The following RCL1 variants were observed in gnomAD, a reference collection of about 807,000 sequenced individuals.
RCL1 encodes RNA terminal phosphate cyclase like 1.
RCL1 carries 24 observed loss-of-function variants against 42.4 expected under a neutral mutation model. That is an observed-to-expected ratio of 0.57 (90% confidence interval 0.41 to 0.80). The LOEUF (loss-of-function observed/expected upper bound fraction) is 0.80, where lower values mean the gene tolerates loss of function less well. Ranked by LOEUF, RCL1 falls within the 30% of genes least tolerant of loss-of-function variation. The pLI is 0.00. For missense variants in RCL1, 578 were observed against 467.9 expected (o/e 1.24, Z -2.17); for synonymous variants, 228 against 177.3 (o/e 1.29, Z -2.27).
intron 5 of RCL1, among the ~76,000 whole-genome samples, chr9:4,834,850 T>G (rs1397408601): frequency 6.6e-6 from 1 of 152,204 alleles, no homozygotes; most frequent in Admixed American, 6.5e-5. Context: ...TTTTTGCAGA[T>G]GGGGAAACTG....
intron 8 of RCL1, among the ~76,000 whole-genome samples, chr9:4,851,251 G>T (rs1482967528): frequency 6.6e-6 from 1 of 152,178 alleles, no homozygotes; most frequent in Non-Finnish European, 1.5e-5. Flanking sequence ...TCTGAATGGA[G>T]CTTTAAAGGA....
rs1440889487 is a variant in RCL1 at position 4,849,550 on chromosome 9, C to T, written c.971C>T (p.Thr324Met). ...CTGCTAGGCCCTCTCTCTCCCTACACGTAAGTTATTCTTTTTCAACCTCGT... is the reference window on the plus strand; with the variant it reads ...CTGCTAGGCCCTCTCTCTCCCTACATGTAAGTTATTCTTTTTCAACCTCGT... The part of the protein sequence containing the change: ...KVLLGPLSPY[T>M]IEFLRHLKSF... Residue 324 changes from threonine to methionine, a missense_variant and splice_region_variant, in exon 8 of 9, where the codon ACG becomes ATG. Coordinates refer to ENST00000381750, the MANE Select transcript of RCL1 (RefSeq NM_005772.5). 8.7e-6 allele frequency: 14 copies of T among 1,605,006 alleles called. No homozygotes were observed. The highest frequency in any genetic ancestry group is 2.2e-5 in the East Asian group (1 of 44,846).
intron 8 of RCL1, among the ~76,000 whole-genome samples, chr9:4,857,335 C>T (rs1817995104): frequency 6.6e-6 from 1 of 152,154 alleles, no homozygotes; most frequent in Non-Finnish European, 1.5e-5. Flanking sequence ...GTGGCTTTTT[C>T]ATATTGTGTA....
At chr9:4,836,467 A>G (rs1168247923) in intron 5 of RCL1, among the ~76,000 whole-genome samples, 3 of 152,128 alleles carry the variant, frequency 2.0e-5, no homozygotes, top group Non-Finnish European at 1.5e-5. Context: ...GTAGGACAAG[A>G]GATTGTGTTT....
At chr9:4,844,345 T>G (rs1480287892) in intron 6 of RCL1, among the ~76,000 whole-genome samples, 180 bp from the exon 7 acceptor site, 1 of 152,208 alleles carries the variant, frequency 6.6e-6, no homozygotes, top group Non-Finnish European at 1.5e-5. Flanking sequence ...GTTTTTGGAC[T>G]GATTTTCTTT....
In RCL1 at chr9:4,849,557, T is replaced by C; in HGVS notation, c.971+7T>C. 6.3e-7 allele frequency: 1 copy of C among 1,599,872 alleles called. No homozygotes were observed. Among genetic ancestry groups the C allele is most frequent in the South Asian group, 1.1e-5 (1 of 90,724 alleles). ...GCCCTCTCTCTCCCTACACGTAAGT[T>C]ATTCTTTTTCAACCTCGTTATTCTG... On this transcript the variant is annotated splice_region_variant and intron_variant, in intron 8 of 8. Transcript: ENST00000381750.
rs371477134 is a variant in RCL1 at position 4,833,246 on chromosome 9, G to C, written c.459+18G>C. On this transcript the variant is annotated intron_variant, in intron 4 of 8. Coordinates refer to ENST00000381750, the MANE Select transcript of RCL1 (RefSeq NM_005772.5). ...AACTGAAGGTAAGAATGTTTGAACTGTTGACCATATGTTCCTGTGGAAAAC... is the reference window on the plus strand; with the variant it reads ...AACTGAAGGTAAGAATGTTTGAACTCTTGACCATATGTTCCTGTGGAAAAC... 2.1e-5 allele frequency: 33 copies of C among 1,582,612 alleles called. No individual in the cohort carries two copies. The highest frequency in any genetic ancestry group is 2.7e-5 in the Non-Finnish European group (31 of 1,151,442).
chr9:4,813,943 A>G (rs1474935420), intron 1 of RCL1, among the ~76,000 whole-genome samples: 2 of 152,184 alleles, frequency 1.3e-5, no homozygotes, highest in African/African-American at 4.8e-5. Flanking sequence ...CAAGGACAGA[A>G]AACCAAACAC....
At chr9:4,850,606 G>A (rs1410273112) in intron 8 of RCL1, among the ~76,000 whole-genome samples, 1 of 150,366 alleles carries the variant, frequency 6.7e-6, no homozygotes, top group Non-Finnish European at 1.5e-5. Flanking sequence ...AAACTGGTAA[G>A]GACCACATTA....
chr9:4,835,573 C>T (rs184804066), intron 5 of RCL1, among the ~76,000 whole-genome samples: 206 of 152,246 alleles, frequency 1.4e-3, no homozygotes, highest in African/African-American at 4.5e-3. Flanking sequence ...CTTGATGAAG[C>T]GAGAGTCAGG....
chr9:4,826,264 T>C (rs930801270), intron 2 of RCL1, among the ~76,000 whole-genome samples: 1 of 152,024 alleles, frequency 6.6e-6, no homozygotes, highest in Admixed American at 6.6e-5. Context: ...ACAAAGCTTT[T>C]TGAATGATAC....
intron 1 of RCL1, among the ~76,000 whole-genome samples, chr9:4,807,019 T>C (rs925132908): frequency 6.6e-6 from 1 of 152,216 alleles, no homozygotes; most frequent in African/African-American, 2.4e-5. Context: ...CTTGTTGAAT[T>C]AATATGTGTA....
intron 8 of RCL1, among the ~76,000 whole-genome samples, chr9:4,857,564 T>G (rs1197625655): frequency 6.6e-6 from 1 of 152,238 alleles, no homozygotes; most frequent in Non-Finnish European, 1.5e-5. Context: ...ATAATGCCAT[T>G]ATGAATATTT....
chr9:4,844,703 A>C (rs778196833), intron 7 of RCL1, 22 bp downstream of exon 7: 6 of 1,597,882 alleles, frequency 3.8e-6, no homozygotes, highest in Non-Finnish European at 5.1e-6. Context: ...GCTTCCTCTG[A>C]TAGAGGAGTG....
At chr9:4,795,258 A>AT in intron 1 of RCL1, among the ~76,000 whole-genome samples, 1 of 151,868 alleles carries the variant, frequency 6.6e-6, no homozygotes, top group African/African-American at 2.4e-5. Context: ...TTAGTAGAGT[A>AT]TTTTTAGTAG....
chr9:4,807,372 A>T (rs1816013075), intron 1 of RCL1, among the ~76,000 whole-genome samples: 1 of 152,078 alleles, frequency 6.6e-6, no homozygotes, highest in South Asian at 2.1e-4. Flanking sequence ...TCTGTTTCCT[A>T]GTGTATGTAT....
chr9:4,800,211 CT>C lies in RCL1; in HGVS notation c.136+6995del, dbSNP rs370374521. 1.4e-3 allele frequency among the ~76,000 whole-genome samples: 204 copies of C among 145,892 alleles called. 2 individuals carry two copies. The highest frequency in any genetic ancestry group is 3.5e-3 in the African/African-American group (140 of 39,970). The stretch of plus-strand genomic sequence containing the variant: ...TATAAAAATTTGTGGACAGGTTTTT[CT>C]TTTTTTTTTTATTTTTATTTTTTAT... On this transcript the variant is annotated intron_variant, in intron 1 of 8. Transcript: ENST00000381750.
chr9:4,848,175 A>G (rs777692979), intron 7 of RCL1, among the ~76,000 whole-genome samples: 1 of 152,178 alleles, frequency 6.6e-6, no homozygotes, highest in African/African-American at 2.4e-5. Flanking sequence ...TGGTCGTCAT[A>G]TTTTCCATGG....
At chr9:4,802,857 G>A (rs2130969209) in intron 1 of RCL1, among the ~76,000 whole-genome samples, 1 of 152,264 alleles carries the variant, frequency 6.6e-6, no homozygotes, top group Middle Eastern at 3.4e-3. Context: ...GTCTTGCTCT[G>A]TCGCACAGGC....
Sources: gnomAD v4.1 joint callset for allele counts (sites outside exome capture counted in the v4.1 genomes callset) on GRCh38, gnomAD v4.1.1 for gene constraint, MANE v1.5 for transcripts, NCBI Gene and HGNC (gene_info 2026-07-23, HGNC 2026-07-21) for gene names.